CCDC149: variants seen among roughly 807,000 people sequenced by gnomAD.
CCDC149 encodes coiled-coil domain-containing protein 149.
A neutral mutation model predicts 59.9 loss-of-function variants in CCDC149; 45 were observed. That is an observed-to-expected ratio of 0.75 (90% CI 0.59 to 0.96). CCDC149 has a LOEUF of 0.96. Ranked by LOEUF, CCDC149 falls within the 40% of genes least tolerant of loss-of-function variation. CCDC149 has a pLI of 0.00. For missense variants in CCDC149, 584 were observed against 664.7 expected (o/e 0.88, Z 1.33); for synonymous variants, 245 against 260.6 (o/e 0.94, Z 0.58).
chr4:24,873,632 T>C (rs920104618), intron 3 of CCDC149, 49 bp downstream of exon 3: 4 of 1,229,170 alleles, frequency 3.3e-6, no homozygotes, highest in South Asian at 1.2e-5. Flanking sequence ...ATCCTCCCAA[T>C]TGCTGCTAGG....
intron 1 of CCDC149, among the ~76,000 whole-genome samples, chr4:24,884,424 T>C (rs905513464): frequency 6.6e-6 from 1 of 152,188 alleles, no homozygotes; most frequent in African/African-American, 2.4e-5. Flanking sequence ...CGCACAATGA[T>C]GAAATTGCAT....
At chr4:24,905,407 G>A (rs746162706) in intron 1 of CCDC149, among the ~76,000 whole-genome samples, 14 of 106,102 alleles carry the variant, frequency 1.3e-4, no homozygotes, top group South Asian at 3.3e-4. Context: ...TTCTTTTTGC[G>A]TGCGTGCGTG....
At chr4:24,914,668 A>G (rs1022648839), upstream of CCDC149, among the ~76,000 whole-genome samples, 2 of 150,248 alleles carry the variant, frequency 1.3e-5, no homozygotes, top group African/African-American at 4.9e-5. Context: ...GCCTTGCTCA[A>G]CTAGCTGACT....
chr4:24,880,775 A>G (rs1441725957), intron 1 of CCDC149, among the ~76,000 whole-genome samples: 1 of 152,208 alleles, frequency 6.6e-6, no homozygotes. Flanking sequence ...CAGTAACTAT[A>G]GATAGCAGAT....
intron 1 of CCDC149, among the ~76,000 whole-genome samples, chr4:24,973,425 G>A (rs950408041): frequency 1.3e-5 from 2 of 152,214 alleles, no homozygotes; most frequent in African/African-American, 4.8e-5. Flanking sequence ...TACACTTTAA[G>A]TATATGGAGT....
At chr4:24,961,459 C>G (rs1462569672) in intron 1 of CCDC149, among the ~76,000 whole-genome samples, 1 of 152,180 alleles carries the variant, frequency 6.6e-6, no homozygotes, top group Non-Finnish European at 1.5e-5. Flanking sequence ...GAAAAAACTA[C>G]TTTAAACTTC....
rs201288777 is a variant in CCDC149 at position 24,958,638 on chromosome 4, TA to T, written c.-65+21430del. Among the ~76,000 whole-genome samples the T allele has an allele frequency of 9.2e-3, 1,384 of 151,074 alleles. 11 individuals carry two copies. Among genetic ancestry groups the T allele is most frequent in the South Asian group, 0.017 (83 of 4,760 alleles). On this transcript the variant is annotated intron_variant, in intron 1 of 12. Transcript: ENST00000389609. The stretch of plus-strand genomic sequence containing the variant: ...GAGATTAAAACTATAATACTTGAGG[TA>T]AAAAAAAATGCACTATATGCAATTC...
At position 24,853,110 on chromosome 4, in the gene CCDC149, G is replaced by T; in HGVS notation, c.334C>A (p.Leu112Ile). ...TGGACTTCTCCAAGCCTTTGCTGAA[G>T]TTCTTTAATTTCTTCTCCCAGATGT... is the stretch of plus-strand genomic sequence containing the variant. Residue 112 changes from leucine to isoleucine, a missense_variant, in exon 4 of 13, where the codon CTT becomes ATT. By Grantham distance (5) the Leu-to-Ile change is conservative (BLOSUM62 2). Coordinates refer to ENST00000635206, the MANE Select transcript of CCDC149 (RefSeq NM_001330643.2). 1 of 1,613,810 alleles carries T rather than the reference G, an allele frequency of 6.2e-7. No homozygotes were observed. Among genetic ancestry groups the T allele is most frequent in the Middle Eastern group, 1.7e-4 (1 of 6,060 alleles).
chr4:24,925,105 T>C (rs755803220), intron 1 of CCDC149, among the ~76,000 whole-genome samples: 3 of 152,212 alleles, frequency 2.0e-5, no homozygotes, highest in Non-Finnish European at 4.4e-5. Context: ...TGTAGATCTA[T>C]GAACTAAAGA....
At chr4:24,820,310 T>G (rs1038925952) in intron 11 of CCDC149, 8 of 238,124 alleles carry the variant, frequency 3.4e-5, no homozygotes, top group Admixed American at 1.0e-4. Flanking sequence ...ATGTCTAGAA[T>G]GCCTGGTACA....
At chr4:24,922,332 C>T (rs528116487) in intron 1 of CCDC149, among the ~76,000 whole-genome samples, 36 of 152,264 alleles carry the variant, frequency 2.4e-4, no homozygotes, top group African/African-American at 8.2e-4. Context: ...TTGTGTAGGT[C>T]CACTAGGTCC....
chr4:24,819,757 G>C lies in CCDC149; in HGVS notation c.1192+102C>G, dbSNP rs1049424726. The C allele has an allele frequency of 1.6e-5, 13 of 835,702 alleles. No individual in the cohort carries two copies. In the African/African-American group the frequency reaches 2.2e-4, roughly 14 times the overall value. 51.8% of individuals were successfully genotyped at this position (835,702 alleles called of 1,614,324 possible). A position where few individuals can be genotyped will look rare whatever the true frequency, so the allele number is the denominator to read the frequency against. On this transcript the variant is annotated intron_variant, in intron 12 of 12. Transcript: ENST00000635206. ...TGAGGAATGTCCCAATGATGCCAAA[G>C]CAGCAGCACAAAGGGGAAGGGGAAG...
chr4:24,882,366 AG>A (rs1363454737), intron 1 of CCDC149, among the ~76,000 whole-genome samples: 1 of 152,240 alleles, frequency 6.6e-6, no homozygotes, highest in East Asian at 1.9e-4. Flanking sequence ...TGATCGCAAC[AG>A]GAGTTTTCTG....
intron 3 of CCDC149, among the ~76,000 whole-genome samples, chr4:24,866,439 A>C (rs143772465): frequency 1.3e-5 from 2 of 152,320 alleles, no homozygotes; most frequent in African/African-American, 4.8e-5. Context: ...AGATAATTTA[A>C]TTGCCCCTTT....
chr4:24,917,057 TC>T (rs1722149603), upstream of CCDC149, among the ~76,000 whole-genome samples: 1 of 151,864 alleles, frequency 6.6e-6, no homozygotes, highest in South Asian at 2.1e-4. Flanking sequence ...TTCTCTCTCC[TC>T]CCCCTACCTA....
Position 24,876,602 on chromosome 4 carries a change from G to C in CCDC149, c.159C>G (p.Tyr53Ter). 1 of 1,614,150 alleles carries C rather than the reference G, an allele frequency of 6.2e-7. No homozygotes were observed. Among genetic ancestry groups the C allele is most frequent in the Non-Finnish European group, 8.5e-7 (1 of 1,180,010 alleles). ...CCCGGAGCTGATTGGCCATGAGTTTGTACTGGTCCCTTTCCTGTTGACAGG... is the reference window on the plus strand; with the variant it reads ...CCCGGAGCTGATTGGCCATGAGTTTCTACTGGTCCCTTTCCTGTTGACAGG... The change falls in exon 2 of 13, where the codon TAC becomes TAG. Residue 53 changes from tyrosine to a stop codon, truncating the protein, a stop_gained. Coordinates refer to ENST00000635206, the MANE Select transcript of CCDC149 (RefSeq NM_001330643.2). LOFTEE classifies it high-confidence loss of function.
intron 1 of CCDC149, among the ~76,000 whole-genome samples, chr4:24,956,120 T>A (rs1723459108): frequency 6.6e-6 from 1 of 152,202 alleles, no homozygotes; most frequent in Admixed American, 6.5e-5. Context: ...CTCAAGGTTT[T>A]CATGTATCAT....
chr4:24,872,206 T>C (rs1719086951), intron 3 of CCDC149, among the ~76,000 whole-genome samples: 1 of 152,192 alleles, frequency 6.6e-6, no homozygotes, highest in Admixed American at 6.5e-5. Context: ...TATAAGGATT[T>C]GATGATAAAA....
At chr4:24,883,161 T>C (rs1387924711) in intron 1 of CCDC149, among the ~76,000 whole-genome samples, 1 of 151,708 alleles carries the variant, frequency 6.6e-6, no homozygotes, top group African/African-American at 2.4e-5. Flanking sequence ...GTTTTCCAAA[T>C]TGTGGGTCAT....
Sources: allele counts gnomAD v4.1 joint callset (sites outside exome capture counted in the v4.1 genomes callset), GRCh38; gene constraint gnomAD v4.1.1; transcripts MANE v1.5; gene names NCBI Gene and HGNC (gene_info 2026-07-23, HGNC 2026-07-21).